The following CLVS1 variants were observed in gnomAD, a reference collection of about 807,000 sequenced individuals.
The protein encoded by CLVS1 is clavesin-1.
In CLVS1, 10 loss-of-function variants were observed where a neutral mutation model predicts 33.1. The observed-to-expected ratio is 0.30, with a 90% confidence interval of 0.19 to 0.51. The LOEUF (loss-of-function observed/expected upper bound fraction) is 0.51, where lower values mean the gene tolerates loss of function less well. Ranked by LOEUF, CLVS1 falls within the 20% of genes least tolerant of loss-of-function variation. The probability of loss-of-function intolerance (pLI) is 0.97; values close to 1 mark genes in which losing one functional copy is unlikely to be tolerated. For missense variants in CLVS1, 343 were observed against 433.4 expected (o/e 0.79, Z 1.85); for synonymous variants, 163 against 166.1 (o/e 0.98, Z 0.14).
At chr8:61,324,489 A>T (rs918734864) in intron 2 of CLVS1, among the ~76,000 whole-genome samples, 1 of 152,144 alleles carries the variant, frequency 6.6e-6, no homozygotes. Context: ...TATCAGCAGC[A>T]TGAAAATGAA....
intron 2 of CLVS1, among the ~76,000 whole-genome samples, chr8:61,317,041 G>A (rs992986422): frequency 1.3e-5 from 2 of 151,946 alleles, no homozygotes; most frequent in Admixed American, 1.3e-4. Flanking sequence ...AAATTATATT[G>A]TGGTCACTTC....
chr8:61,206,301 A>C (rs1354713307), intron 2 of CLVS1, among the ~76,000 whole-genome samples: 1 of 152,180 alleles, frequency 6.6e-6, no homozygotes. Context: ...TCATTAATCC[A>C]ATGAGTATAT....
intron 3 of CLVS1, among the ~76,000 whole-genome samples, chr8:61,417,806 G>C (rs1427060586): frequency 6.6e-6 from 1 of 152,148 alleles, no homozygotes; most frequent in Non-Finnish European, 1.5e-5. Flanking sequence ...ATAGCCATGA[G>C]CTCTCAGGGG....
At chr8:61,102,979 C>T (rs1805477520) in intron 1 of CLVS1, among the ~76,000 whole-genome samples, 1 of 152,036 alleles carries the variant, frequency 6.6e-6, no homozygotes, top group African/African-American at 2.4e-5. Context: ...CTTCTTGCCA[C>T]CGGGAAAGGT....
intron 1 of CLVS1, among the ~76,000 whole-genome samples, chr8:61,289,739 G>A (rs1042761861): frequency 6.6e-6 from 1 of 152,138 alleles, no homozygotes; most frequent in African/African-American, 2.4e-5. Context: ...AGGCATTGTC[G>A]AAAATAAAGA....
intron 3 of CLVS1, among the ~76,000 whole-genome samples, chr8:61,416,305 GATACATACATACATACATAC>G (rs61146034): frequency 8.5e-4 from 91 of 107,206 alleles, no homozygotes; most frequent in African/African-American, 1.6e-3. Flanking sequence ...TAGCTAGCTA[GATACATACATACATACATAC>G]ATACATACAT....
At chr8:61,176,778 T>G (rs1341455433) in intron 2 of CLVS1, among the ~76,000 whole-genome samples, 4 of 152,076 alleles carry the variant, frequency 2.6e-5, no homozygotes, top group African/African-American at 7.2e-5. Context: ...TAAGTTAGCT[T>G]GCTACCCAGC....
At chr8:61,222,846 C>A (rs1238463275) in intron 2 of CLVS1, among the ~76,000 whole-genome samples, 1 of 150,590 alleles carries the variant, frequency 6.6e-6, no homozygotes, top group African/African-American at 2.4e-5. Flanking sequence ...ACTTGGTGCT[C>A]TTGTATTGAG....
chr8:61,023,747 G>A, the CLVS1 span, among the ~76,000 whole-genome samples: 6 of 152,150 alleles, frequency 3.9e-5, no homozygotes, highest in Non-Finnish European at 7.4e-5. Context: ...GTGGGGGAGA[G>A]GCCCAGGGAG....
intron 2 of CLVS1, among the ~76,000 whole-genome samples, chr8:61,312,622 C>T (rs577143073): frequency 6.6e-6 from 1 of 152,268 alleles, no homozygotes. Flanking sequence ...AACAGCAGTG[C>T]CTTTCTGGAT....
chr8:61,425,895 G>A (rs1815873985), intron 3 of CLVS1, among the ~76,000 whole-genome samples: 1 of 152,140 alleles, frequency 6.6e-6, no homozygotes, highest in Non-Finnish European at 1.5e-5. Flanking sequence ...CTTGATTGCT[G>A]TAAGATCAGA....
At chr8:61,428,526 A>G (rs1274004043) in intron 3 of CLVS1, among the ~76,000 whole-genome samples, 1 of 152,226 alleles carries the variant, frequency 6.6e-6, no homozygotes, top group Non-Finnish European at 1.5e-5. Context: ...TGTTCCCTTT[A>G]AGTATTGGAT....
intron 2 of CLVS1, among the ~76,000 whole-genome samples, chr8:61,220,746 TG>T (rs1341278409): frequency 1.3e-5 from 2 of 152,180 alleles, no homozygotes; most frequent in Non-Finnish European, 2.9e-5. Context: ...TAAATTGCTT[TG>T]GGCAGTATGG....
chr8:61,490,058 G>C (rs1428449365), intron 5 of CLVS1, among the ~76,000 whole-genome samples: 2 of 152,230 alleles, frequency 1.3e-5, no homozygotes, highest in African/African-American at 4.8e-5. Context: ...GCTCACACCT[G>C]TAATCCCAGC....
chr8:61,471,573 G>A (rs1293386722), intron 5 of CLVS1, among the ~76,000 whole-genome samples: 1 of 152,028 alleles, frequency 6.6e-6, no homozygotes, highest in Non-Finnish European at 1.5e-5. Context: ...TGTACCCTTG[G>A]AGCCCTGCAC....
At chr8:61,035,010 A>G in the CLVS1 span, among the ~76,000 whole-genome samples, 1 of 152,150 alleles carries the variant, frequency 6.6e-6, no homozygotes, top group Non-Finnish European at 1.5e-5. Context: ...GTGAAGAAAA[A>G]CATTGAGTAT....
the CLVS1 span, among the ~76,000 whole-genome samples, chr8:60,988,898 TC>T: frequency 1.3e-5 from 2 of 152,274 alleles, no homozygotes; most frequent in African/African-American, 4.8e-5. Flanking sequence ...AGAGTCTTGC[TC>T]TGTCATCCAG....
At chr8:61,190,700 T>A (rs1245030278) in intron 2 of CLVS1, among the ~76,000 whole-genome samples, 2 of 152,128 alleles carry the variant, frequency 1.3e-5, no homozygotes, top group African/African-American at 4.8e-5. Flanking sequence ...ATATCACCAC[T>A]GATCCCACAG....
At chr8:61,227,129 G>A (rs1225336195) in intron 2 of CLVS1, among the ~76,000 whole-genome samples, 2 of 152,022 alleles carry the variant, frequency 1.3e-5, no homozygotes, top group Non-Finnish European at 2.9e-5. Flanking sequence ...TCAATAGGTG[G>A]ACAATGTTTG....
Sources: gnomAD v4.1 joint callset for allele counts (sites outside exome capture counted in the v4.1 genomes callset) on GRCh38, gnomAD v4.1.1 for gene constraint, MANE v1.5 for transcripts, NCBI Gene and HGNC (gene_info 2026-07-23, HGNC 2026-07-21) for gene names.